The following BCAS3 variants were observed in gnomAD, a reference collection of about 807,000 sequenced individuals.
BCAS3 encodes BCAS4/BCAS3 fusion.
A neutral mutation model predicts 116.1 loss-of-function variants in BCAS3; 53 were observed. That is an observed-to-expected ratio of 0.46 (90% CI 0.37 to 0.57). BCAS3 has a LOEUF of 0.57. Among genes scored for constraint, BCAS3 ranks in the 20% least tolerant of loss-of-function variants. The probability of loss-of-function intolerance (pLI) is 0.00; values close to 1 mark genes in which losing one functional copy is unlikely to be tolerated. For synonymous variants in BCAS3, 391 were observed against 408.2 expected (o/e 0.96, Z 0.51); for missense variants, 917 against 1,165.4 (o/e 0.79, Z 3.10).
At chr17:60,791,538 T>C (rs777409370) in intron 6 of BCAS3, among the ~76,000 whole-genome samples, 7 of 151,784 alleles carry the variant, frequency 4.6e-5, no homozygotes, top group Non-Finnish European at 1.0e-4. Flanking sequence ...TCTGTAGTAC[T>C]AGCTGACTGG....
At chr17:60,861,774 G>A (rs1287871091) in intron 7 of BCAS3, among the ~76,000 whole-genome samples, 1 of 152,082 alleles carries the variant, frequency 6.6e-6, no homozygotes, top group Non-Finnish European at 1.5e-5. Flanking sequence ...AGTTGTGTTT[G>A]TATGATGAAT....
At chr17:60,917,774 G>C (rs1375640045) in intron 12 of BCAS3, among the ~76,000 whole-genome samples, 1 of 151,986 alleles carries the variant, frequency 6.6e-6, no homozygotes, top group East Asian at 1.9e-4. Context: ...TGTATTTTTT[G>C]TAGAGACAAG....
intron 22 of BCAS3, among the ~76,000 whole-genome samples, chr17:61,086,251 C>T (rs1751931199): frequency 6.6e-6 from 1 of 152,134 alleles, no homozygotes; most frequent in African/African-American, 2.4e-5. Context: ...TGACACCACA[C>T]CCAGCTAGTT....
At chr17:61,271,423 G>GTTTT (rs1428434597) in intron 22 of BCAS3, among the ~76,000 whole-genome samples, 1 of 6,100 alleles carries the variant, frequency 1.6e-4, no homozygotes, top group African/African-American at 6.1e-4. Flanking sequence ...ACCATGCCCG[G>GTTTT]ATTTTTTTTT....
chr17:61,132,532 A>G lies in BCAS3; in HGVS notation c.2425+47968A>G, dbSNP rs181314338. ...TAACATTGGAATAAATGGTAAGAAT[A>G]TAGATTGTTTGTGCCGGGCTTATAC... On this transcript the variant is annotated intron_variant, in intron 22 of 23. Transcript: ENST00000407086. This position sits in a 1 kb window ranked among gnomAD's most constrained non-coding sequence, Gnocchi z 5.1. Among the ~76,000 whole-genome samples, 10 of 152,340 alleles carry G rather than the reference A, an allele frequency of 6.6e-5. No individual in the cohort carries two copies. Among genetic ancestry groups the G allele is most frequent in the Admixed American group, 6.5e-4 (10 of 15,304 alleles).
intron 6 of BCAS3, among the ~76,000 whole-genome samples, chr17:60,773,135 G>A (rs1283317963): frequency 2.0e-5 from 3 of 152,106 alleles, no homozygotes; most frequent in East Asian, 1.9e-4. Context: ...TGGTGTCAGT[G>A]TTCTGAAATT....
At chr17:60,949,167 G>A (rs537189514) in intron 14 of BCAS3, among the ~76,000 whole-genome samples, 42 of 152,246 alleles carry the variant, frequency 2.8e-4, no homozygotes, top group African/African-American at 9.4e-4. Flanking sequence ...GAGCCACCGC[G>A]CCCAGCCTCA....
chr17:61,290,507 TAAAC>T (rs2052282611), intron 22 of BCAS3, among the ~76,000 whole-genome samples: 1 of 152,170 alleles, frequency 6.6e-6, no homozygotes, highest in Non-Finnish European at 1.5e-5. Context: ...TAACCAAAAA[TAAAC>T]CAATGTGAGC....
chr17:60,901,752 A>T (rs887977729), intron 10 of BCAS3, among the ~76,000 whole-genome samples: 3 of 152,220 alleles, frequency 2.0e-5, no homozygotes, highest in African/African-American at 7.2e-5. Context: ...AATGTAAAGC[A>T]TTTTTAATTT....
At chr17:61,263,475 G>A (rs1257643842) in intron 22 of BCAS3, among the ~76,000 whole-genome samples, 1 of 152,220 alleles carries the variant, frequency 6.6e-6, no homozygotes, top group Non-Finnish European at 1.5e-5. Context: ...ATATAAGAAG[G>A]AGAGACCCAG....
chr17:61,294,305 C>T (rs1217059803), intron 22 of BCAS3, among the ~76,000 whole-genome samples: 1 of 152,156 alleles, frequency 6.6e-6, no homozygotes, highest in Non-Finnish European at 1.5e-5. Flanking sequence ...GATGTCCCTA[C>T]TCACGGGTCC....
At chr17:60,738,689 C>T (rs1007547708) in intron 5 of BCAS3, among the ~76,000 whole-genome samples, 20 of 152,186 alleles carry the variant, frequency 1.3e-4, no homozygotes, top group African/African-American at 4.6e-4. Flanking sequence ...TGATGTTTAA[C>T]GTGATTATTG....
intron 1 of BCAS3, 119 bp from the exon 2 acceptor site, chr17:60,679,334 C>T: frequency 1.5e-6 from 1 of 646,254 alleles, no homozygotes; most frequent in Non-Finnish European, 2.6e-6. Flanking sequence ...GGAAAGTTTC[C>T]TACATTTGAG....
At position 61,235,083 on chromosome 17, in the gene BCAS3, C is replaced by T. The variant is rs1364049448; in HGVS notation, c.2426-133244C>T. ...TTGTATTTTAGTAGAGACAGGGTTT[C>T]ACCACATTGGCCGGGCTGGTCTCAA... On this transcript the variant is annotated intron_variant, in intron 22 of 23. Coordinates refer to ENST00000407086, the MANE Select transcript of BCAS3 (RefSeq NM_017679.5). The surrounding 1 kb of genome is among the most constrained non-coding windows in gnomAD (Gnocchi z 5.0). Among the ~76,000 whole-genome samples the T allele has an allele frequency of 6.6e-6, 1 of 152,154 alleles. No homozygotes were observed. Among genetic ancestry groups the T allele is most frequent in the African/African-American group, 2.4e-5 (1 of 41,444 alleles).
At chr17:61,053,410 A>G (rs73991418) in intron 19 of BCAS3, among the ~76,000 whole-genome samples, 123 of 152,348 alleles carry the variant, frequency 8.1e-4, no homozygotes, top group African/African-American at 2.9e-3. Context: ...TGTTTTGTGC[A>G]TGTTGCTGTT....
chr17:61,150,823 C>T (rs561846711), intron 22 of BCAS3, among the ~76,000 whole-genome samples: 2 of 152,200 alleles, frequency 1.3e-5, no homozygotes, highest in South Asian at 4.1e-4. Context: ...TGGTCTTGAC[C>T]TTAGCATTAC....
chr17:61,091,608 A>G (rs928003238), intron 22 of BCAS3, among the ~76,000 whole-genome samples: 3 of 152,234 alleles, frequency 2.0e-5, no homozygotes, highest in African/African-American at 7.2e-5. Flanking sequence ...GGGCAATTAA[A>G]GAACAGCTTG....
chr17:60,801,577 AG>A (rs1598810792), intron 6 of BCAS3, among the ~76,000 whole-genome samples: 2 of 152,212 alleles, frequency 1.3e-5, no homozygotes, highest in East Asian at 3.9e-4. Flanking sequence ...CTGACCTCAG[AG>A]GAAAAGCATT....
chr17:60,955,249 C>T (rs1042141974), intron 14 of BCAS3, among the ~76,000 whole-genome samples: 2 of 152,022 alleles, frequency 1.3e-5, no homozygotes, highest in African/African-American at 4.8e-5. Flanking sequence ...TGTGTATTTT[C>T]TACAAATGAG....
Sources: allele counts gnomAD v4.1 joint callset (sites outside exome capture counted in the v4.1 genomes callset), GRCh38; gene constraint gnomAD v4.1.1; non-coding constraint Gnocchi (gnomAD v3.1); transcripts MANE v1.5; gene names NCBI Gene and HGNC (gene_info 2026-07-23, HGNC 2026-07-21).